Variants in MYOCD observed in about 807,000 individuals in gnomAD.
The protein encoded by MYOCD is myocardin.
MYOCD carries 32 observed loss-of-function variants against 96.1 expected under a neutral mutation model. That is an observed-to-expected ratio of 0.33 (90% confidence interval 0.25 to 0.45). MYOCD has a LOEUF of 0.45. MYOCD is among the 20% of genes least tolerant of loss of function. The probability of loss-of-function intolerance (pLI) is 1.00; values close to 1 mark genes in which losing one functional copy is unlikely to be tolerated. For missense variants in MYOCD, 1,133 were observed against 1,200.6 expected (o/e 0.94, Z 0.83); for synonymous variants, 469 against 469.0 (o/e 1.00, Z 0.00).
chr17:12,727,699 G>A (rs1469957611), intron 5 of MYOCD, among the ~76,000 whole-genome samples: 1 of 152,106 alleles, frequency 6.6e-6, no homozygotes, highest in Non-Finnish European at 1.5e-5. Flanking sequence ...CTCCAACCCT[G>A]CAATAGAAAC....
chr17:12,761,590 T>TACACAC (rs5819386), intron 13 of MYOCD: 4,906 of 141,282 alleles, frequency 0.035, 142 homozygotes, highest in East Asian at 0.073. Context: ...CAGATGCCCA[T>TACACAC]ACACACACAC....
At chr17:12,736,033 C>T in intron 5 of MYOCD, 128 bp from the exon 6 acceptor site, 2 of 821,414 alleles carry the variant, frequency 2.4e-6, no homozygotes, top group Non-Finnish European at 4.0e-6. Flanking sequence ...TTCACTCTTA[C>T]CTAAACTTAA....
intron 1 of MYOCD, among the ~76,000 whole-genome samples, chr17:12,693,692 C>T (rs2150659823): frequency 7.0e-6 from 1 of 142,750 alleles, no homozygotes; most frequent in South Asian, 2.2e-4. Context: ...ATAAGGTGCT[C>T]CCTACCAGAC....
chr17:12,701,351 G>T (rs927690392), intron 1 of MYOCD, among the ~76,000 whole-genome samples: 7 of 152,178 alleles, frequency 4.6e-5, no homozygotes, highest in Non-Finnish European at 1.0e-4. Context: ...GTCGGAGGTT[G>T]CAGTGAGCCG....
intron 9 of MYOCD, among the ~76,000 whole-genome samples, chr17:12,751,037 T>C (rs909731334): frequency 7.2e-5 from 11 of 152,120 alleles, no homozygotes; most frequent in African/African-American, 2.7e-4. Flanking sequence ...CTTACAGAAG[T>C]TTTAAATTTT....
At chr17:12,759,357 T>C (rs866550396) in intron 12 of MYOCD, among the ~76,000 whole-genome samples, 56 of 152,352 alleles carry the variant, frequency 3.7e-4, no homozygotes, top group Middle Eastern at 3.4e-3. Context: ...ACCAAGGTTC[T>C]TTTGCTACTT....
chr17:12,679,894 A>G (rs559006204), intron 1 of MYOCD, among the ~76,000 whole-genome samples: 2 of 152,218 alleles, frequency 1.3e-5, no homozygotes, highest in African/African-American at 4.8e-5. Context: ...GAATCAGAAG[A>G]AAAAAGGCAA....
At position 12,752,893 on chromosome 17, in the gene MYOCD, C is replaced by T. The variant is rs778287576; in HGVS notation, c.1605C>T (p.Leu535=). The change falls in exon 10 of 14, where the codon CTC becomes CTT. Residue 535 remains leucine (L), a synonymous_variant. Coordinates refer to ENST00000425538, the MANE Select transcript of MYOCD (RefSeq NM_001146312.3). ...QKVINELTWK[L]QQEQRQVEEL... is the part of the protein sequence containing the mutation. Reference sequence around the variant, plus strand: ...TGATCAATGAACTCACCTGGAAACTCCAGCAAGAGCAGAGGCAGGTGGAGG... The same window carrying T: ...TGATCAATGAACTCACCTGGAAACTTCAGCAAGAGCAGAGGCAGGTGGAGG... 6.2e-7 allele frequency: 1 copy of T among 1,613,956 alleles called. No individual in the cohort carries two copies. The highest frequency in any genetic ancestry group is 8.5e-7 in the Non-Finnish European group (1 of 1,180,012).
chr17:12,716,964 T>C (rs1425059046), intron 3 of MYOCD, among the ~76,000 whole-genome samples: 2 of 126,940 alleles, frequency 1.6e-5, no homozygotes, highest in African/African-American at 3.2e-5. Context: ...CATTCCAGCC[T>C]GGATGACAGA....
chr17:12,696,891 T>C (rs2030777505), intron 1 of MYOCD, among the ~76,000 whole-genome samples: 1 of 152,142 alleles, frequency 6.6e-6, no homozygotes, highest in Admixed American at 6.5e-5. Context: ...TTTGGTGAAT[T>C]CGAGGATTGT....
At position 12,746,727 on chromosome 17, in the gene MYOCD, C is replaced by CTTTT. The variant is rs3050321; in HGVS notation, c.1125+671_1125+674dup. Among the ~76,000 whole-genome samples the CTTTT allele has an allele frequency of 2.8e-3, 323 of 114,870 alleles. 8 individuals are homozygous for CTTTT. Among genetic ancestry groups the CTTTT allele is most frequent in the East Asian group, 5.8e-3 (20 of 3,436 alleles). The allele number at this position is 114,870 out of a possible 152,430, so 75.4% of individuals were successfully genotyped here. A position where few individuals can be genotyped will look rare whatever the true frequency, so the allele number is the denominator to read the frequency against. ...AGATGATGATGATGATGGTGCCTAC[C>CTTTT]TTTTTTTTTTTTTTTTTTTGAGATG... On this transcript the variant is annotated intron_variant, in intron 9 of 13. Coordinates refer to ENST00000425538, the MANE Select transcript of MYOCD (RefSeq NM_001146312.3).
At position 12,763,146 on chromosome 17, in the gene MYOCD, T is replaced by C. The variant is rs1188544558; in HGVS notation, c.2463T>C (p.Ser821=). 1 of 1,614,128 alleles carries C rather than the reference T, an allele frequency of 6.2e-7. No homozygotes were observed. Among genetic ancestry groups the C allele is most frequent in the South Asian group, 1.1e-5 (1 of 91,082 alleles). The change falls in exon 14 of 14, where the codon AGT becomes AGC. Residue 821 remains serine (S), a synonymous_variant. Transcript: ENST00000425538. ...CAAAGATACCCAGATCTTCCCGAAG[T>C]CCAACTGCTGTCCTCACCAAGCCCT... ...KVPKIPRSSR[S]PTAVLTKPSA... is the part of the protein sequence containing the mutation.
intron 2 of MYOCD, among the ~76,000 whole-genome samples, chr17:12,709,838 A>G (rs1169355740): frequency 2.0e-5 from 3 of 152,208 alleles, no homozygotes; most frequent in African/African-American, 4.8e-5. Flanking sequence ...TTCTTATGCA[A>G]ATTTTCTCTC....
rs774285245 is a variant in MYOCD at position 12,736,126 on chromosome 17, G to A, written c.416-35G>A. ...CAAAAATGCCCTTTGATGCTCCTAAGCCACTGACCAAGTTCCTGGATTTCA... is the reference window on the plus strand; with the variant it reads ...CAAAAATGCCCTTTGATGCTCCTAAACCACTGACCAAGTTCCTGGATTTCA... On this transcript the variant is annotated intron_variant, in intron 5 of 13. Transcript: ENST00000425538. 20 of 1,604,348 alleles carry A rather than the reference G, an allele frequency of 1.2e-5. No homozygotes were observed. In the South Asian group the frequency reaches 2.0e-4, roughly 16 times the overall value.
intron 6 of MYOCD, among the ~76,000 whole-genome samples, chr17:12,738,445 G>GCGCA: frequency 6.6e-6 from 1 of 151,934 alleles, no homozygotes. Context: ...ACACATGCAT[G>GCGCA]CGCACGCACA....
At chr17:12,756,640 G>A in intron 11 of MYOCD, 83 bp downstream of exon 11, 1 of 1,306,280 alleles carries the variant, frequency 7.7e-7, no homozygotes, top group Non-Finnish European at 1.0e-6. Context: ...AAGTTGCAGT[G>A]AGCCGAGATC....
chr17:12,750,052 T>C (rs2032800469), intron 9 of MYOCD, among the ~76,000 whole-genome samples: 1 of 151,934 alleles, frequency 6.6e-6, no homozygotes, highest in African/African-American at 2.4e-5. Context: ...GGTTTCACCG[T>C]GGTCTCGATC....
intron 7 of MYOCD, among the ~76,000 whole-genome samples, chr17:12,740,986 C>T (rs2032489121): frequency 6.6e-6 from 1 of 152,174 alleles, no homozygotes; most frequent in Non-Finnish European, 1.5e-5. Context: ...AATCCACCTG[C>T]CTCAGCCTCC....
At chr17:12,668,357 T>C (rs1909488411) in intron 1 of MYOCD, among the ~76,000 whole-genome samples, 1 of 152,248 alleles carries the variant, frequency 6.6e-6, no homozygotes, top group African/African-American at 2.4e-5. Flanking sequence ...CGTGGTATTA[T>C]GTATTCCATT....
Sources: allele counts gnomAD v4.1 joint callset (sites outside exome capture counted in the v4.1 genomes callset), GRCh38; gene constraint gnomAD v4.1.1; transcripts MANE v1.5; gene names NCBI Gene and HGNC (gene_info 2026-07-23, HGNC 2026-07-21).